Variants in GALNTL6 observed in about 807,000 individuals in gnomAD.
GALNTL6 encodes polypeptide N-acetylgalactosaminyltransferase-like 6.
In GALNTL6, 46 loss-of-function variants were observed where a neutral mutation model predicts 73.7. The observed-to-expected ratio is 0.62, with a 90% CI of 0.49 to 0.80. GALNTL6 has a LOEUF of 0.80. GALNTL6 is among the 30% of genes least tolerant of loss of function. The pLI is 0.00. For synonymous variants in GALNTL6, 259 were observed against 263.7 expected, an observed-to-expected ratio of 0.98 and a Z score of 0.17; for missense variants, 604 against 755.0, an observed-to-expected ratio of 0.80 and a Z score of 2.34.
chr4:172,972,970 T>G (rs1750649011), intron 10 of GALNTL6, among the ~76,000 whole-genome samples: 1 of 152,078 alleles, frequency 6.6e-6, no homozygotes, highest in African/African-American at 2.4e-5. Context: ...GAAATTGAGA[T>G]TTAAAGGGAA....
intron 5 of GALNTL6, among the ~76,000 whole-genome samples, chr4:172,365,706 A>G (rs1022923552): frequency 3.2e-5 from 4 of 126,324 alleles, no homozygotes; most frequent in Admixed American, 2.3e-4. Context: ...TGGGAAATCT[A>G]AAAAAAAAAA....
At chr4:172,314,080 A>T (rs1283928390) in intron 4 of GALNTL6, among the ~76,000 whole-genome samples, 1 of 152,228 alleles carries the variant, frequency 6.6e-6, no homozygotes, top group Non-Finnish European at 1.5e-5. Flanking sequence ...ACATTTAACC[A>T]CAAGAGTATG....
chr4:173,000,782 G>A (rs1422026228), intron 10 of GALNTL6, among the ~76,000 whole-genome samples: 1 of 152,148 alleles, frequency 6.6e-6, no homozygotes, highest in East Asian at 1.9e-4. Flanking sequence ...TTTTTGACAA[G>A]GGTGCCAATA....
At chr4:172,160,506 G>A (rs917801494) in intron 2 of GALNTL6, among the ~76,000 whole-genome samples, 3 of 151,980 alleles carry the variant, frequency 2.0e-5, no homozygotes, top group Non-Finnish European at 4.4e-5. Flanking sequence ...GAAGAAATGT[G>A]TATAATAGTT....
chr4:172,687,778 A>G (rs1251637438), intron 5 of GALNTL6, among the ~76,000 whole-genome samples: 1 of 152,196 alleles, frequency 6.6e-6, no homozygotes, highest in Non-Finnish European at 1.5e-5. Context: ...GTCAGTTACC[A>G]TATTCTCCTT....
At chr4:172,620,022 A>G (rs1579250836) in intron 5 of GALNTL6, among the ~76,000 whole-genome samples, 1 of 152,168 alleles carries the variant, frequency 6.6e-6, no homozygotes, top group African/African-American at 2.4e-5. Flanking sequence ...TCCTTTCATT[A>G]TGACATGCAC....
chr4:172,235,998 A>T (rs72998401), intron 3 of GALNTL6, among the ~76,000 whole-genome samples: 4,733 of 152,266 alleles, frequency 0.031, 229 homozygotes, highest in African/African-American at 0.11. Flanking sequence ...ATTCATTTTT[A>T]TGGCCGCATA....
intron 5 of GALNTL6, among the ~76,000 whole-genome samples, chr4:172,718,236 A>C (rs1735228806): frequency 6.6e-6 from 1 of 152,214 alleles, no homozygotes; most frequent in Non-Finnish European, 1.5e-5. Context: ...TGAAGATGTT[A>C]ATATTTTGTG....
chr4:172,767,679 T>C (rs1038235912), intron 5 of GALNTL6, among the ~76,000 whole-genome samples: 2 of 148,656 alleles, frequency 1.3e-5, no homozygotes, highest in African/African-American at 2.5e-5. Context: ...TTTTTTTTTT[T>C]TTTTTTGAGA....
intron 2 of GALNTL6, among the ~76,000 whole-genome samples, chr4:172,143,981 A>G (rs1196218292): frequency 3.9e-5 from 6 of 152,142 alleles, no homozygotes; most frequent in African/African-American, 1.2e-4. Context: ...CAAGAGTCCT[A>G]TATTATGGCA....
At chr4:172,597,954 A>G (rs1017126659) in intron 5 of GALNTL6, among the ~76,000 whole-genome samples, 7 of 151,546 alleles carry the variant, frequency 4.6e-5, no homozygotes, top group African/African-American at 1.7e-4. Flanking sequence ...TATTTGGCTC[A>G]GATTTCAATT....
chr4:172,492,822 T>G (rs1733943671), intron 5 of GALNTL6, among the ~76,000 whole-genome samples: 1 of 152,194 alleles, frequency 6.6e-6, no homozygotes, highest in South Asian at 2.1e-4. Context: ...GGTTTTAATC[T>G]TATTTATTAA....
intron 2 of GALNTL6, among the ~76,000 whole-genome samples, chr4:172,079,085 T>C (rs570639892): frequency 1.6e-4 from 24 of 152,226 alleles, no homozygotes; most frequent in African/African-American, 5.3e-4. Context: ...ATATTTATGT[T>C]TTTATCCATA....
At chr4:172,763,177 G>A (rs1738217032) in intron 5 of GALNTL6, among the ~76,000 whole-genome samples, 1 of 150,588 alleles carries the variant, frequency 6.6e-6, no homozygotes, top group African/African-American at 2.4e-5. Context: ...CAGTCGAGAA[G>A]TACATATGCC....
At chr4:172,803,835 C>A (rs1197170583) in intron 5 of GALNTL6, among the ~76,000 whole-genome samples, 2 of 152,146 alleles carry the variant, frequency 1.3e-5, no homozygotes, top group Non-Finnish European at 2.9e-5. Context: ...CAGCTGAAAT[C>A]ATACTAGAAG....
intron 2 of GALNTL6, among the ~76,000 whole-genome samples, chr4:171,960,731 G>A (rs1242993317): frequency 6.8e-6 from 1 of 147,616 alleles, no homozygotes; most frequent in Non-Finnish European, 1.5e-5. Context: ...TATACCAGCA[G>A]GATTTTTAGA....
chr4:172,088,009 A>G (rs958477846), intron 2 of GALNTL6, among the ~76,000 whole-genome samples: 2 of 152,206 alleles, frequency 1.3e-5, no homozygotes, highest in African/African-American at 4.8e-5. Context: ...TTGCCTTATT[A>G]AGACTATATG....
intron 5 of GALNTL6, among the ~76,000 whole-genome samples, chr4:172,489,335 G>C (rs1242925039): frequency 6.6e-6 from 1 of 152,108 alleles, no homozygotes; most frequent in East Asian, 1.9e-4. Flanking sequence ...TAAACAAATA[G>C]TGAGATAATA....
At chr4:172,488,183 A>C (rs1194047962) in intron 5 of GALNTL6, among the ~76,000 whole-genome samples, 1 of 152,172 alleles carries the variant, frequency 6.6e-6, no homozygotes, top group South Asian at 2.1e-4. Context: ...AAATGAACTC[A>C]TTGTGCCTTG....
Sources: allele counts gnomAD v4.1 joint callset (sites outside exome capture counted in the v4.1 genomes callset), GRCh38; gene constraint gnomAD v4.1.1; transcripts MANE v1.5; gene names NCBI Gene and HGNC (gene_info 2026-07-23, HGNC 2026-07-21).